The following LAMB1 variants were observed in gnomAD, a reference collection of about 807,000 sequenced individuals.
The protein encoded by LAMB1 is laminin subunit beta 1, also known as laminin subunit beta-1.
In LAMB1, 121 loss-of-function variants were observed where a neutral mutation model predicts 222.3. That is an observed-to-expected ratio of 0.54 (90% CI 0.47 to 0.63). LAMB1 has a LOEUF of 0.63. Among genes scored for constraint, LAMB1 ranks in the 30% least tolerant of loss-of-function variants. LAMB1 has a pLI of 0.00. For missense variants in LAMB1, 2,172 were observed against 2,240.8 expected (o/e 0.97, Z 0.62); for synonymous variants, 794 against 807.2 (o/e 0.98, Z 0.28).
intron 24 of LAMB1, among the ~76,000 whole-genome samples, chr7:107,941,168 C>T (rs1008024872): frequency 6.6e-6 from 1 of 152,216 alleles, no homozygotes; most frequent in Non-Finnish European, 1.5e-5. Flanking sequence ...AAATCACGTG[C>T]CGTACAGGAC....
At chr7:107,977,457 A>G (rs1309465021) in intron 9 of LAMB1, among the ~76,000 whole-genome samples, 2 of 152,134 alleles carry the variant, frequency 1.3e-5, no homozygotes, top group Non-Finnish European at 2.9e-5. Flanking sequence ...CTACCCTGCC[A>G]TATAGTTCTT....
intron 5 of LAMB1, among the ~76,000 whole-genome samples, chr7:107,993,575 TG>T (rs2034226775): frequency 6.6e-6 from 1 of 152,256 alleles, no homozygotes; most frequent in Admixed American, 6.5e-5. Flanking sequence ...TAAAGGATTT[TG>T]GATCTAGATG....
chr7:107,945,907 G>A (rs1385716602), intron 24 of LAMB1, among the ~76,000 whole-genome samples: 5 of 152,160 alleles, frequency 3.3e-5, no homozygotes, highest in Non-Finnish European at 7.4e-5. Flanking sequence ...CAACTGAAAA[G>A]TTTGTGCCAC....
intron 15 of LAMB1, among the ~76,000 whole-genome samples, 186 bp from the exon 16 acceptor site, chr7:107,961,862 G>T (rs1190995267): frequency 6.6e-6 from 1 of 152,150 alleles, no homozygotes; most frequent in Non-Finnish European, 1.5e-5. Context: ...CCTGGATGCT[G>T]AAACACCTCT....
At chr7:107,967,969 G>A (rs931703266) in intron 13 of LAMB1, among the ~76,000 whole-genome samples, 3 of 152,152 alleles carry the variant, frequency 2.0e-5, no homozygotes, top group Non-Finnish European at 4.4e-5. Context: ...AAAGCCTGGA[G>A]AGGACTTGAC....
intron 25 of LAMB1, among the ~76,000 whole-genome samples, chr7:107,938,784 G>C (rs1254037843): frequency 6.6e-6 from 1 of 152,196 alleles, no homozygotes; most frequent in East Asian, 1.9e-4. Flanking sequence ...CTCACTAAAT[G>C]CATTGTCACT....
Position 107,931,338 on chromosome 7 carries a change from A to G in LAMB1, c.4537+18T>C, listed in dbSNP as rs775208694. 3.3e-5 allele frequency: 53 copies of G among 1,606,210 alleles called. No homozygotes were observed. Among genetic ancestry groups the G allele is most frequent in the Admixed American group, 2.9e-4 (17 of 59,004 alleles). ...CACAGAAACAAATGTCTAAAAGTAA[A>G]ATGAAAAAATTTCTTACGGGTCAAA... On this transcript the variant is annotated intron_variant, in intron 29 of 33. Coordinates refer to ENST00000222399, the MANE Select transcript of LAMB1 (RefSeq NM_002291.3).
At chr7:107,954,933 T>G (rs1005225871) in intron 21 of LAMB1, among the ~76,000 whole-genome samples, 25 of 152,068 alleles carry the variant, frequency 1.6e-4, no homozygotes, top group African/African-American at 5.3e-4. Context: ...CTGAGTTACA[T>G]ATAAACATAA....
chr7:107,963,438 C>T (rs560220450), intron 14 of LAMB1, among the ~76,000 whole-genome samples: 2 of 152,296 alleles, frequency 1.3e-5, no homozygotes, highest in Admixed American at 6.5e-5. Flanking sequence ...AGTCCAGTAT[C>T]TAGTGGATTT....
At chr7:107,973,540 T>C (rs2033793850) in intron 12 of LAMB1, among the ~76,000 whole-genome samples, 1 of 152,052 alleles carries the variant, frequency 6.6e-6, no homozygotes, top group Non-Finnish European at 1.5e-5. Flanking sequence ...CACGAGGAAA[T>C]CAGATCTTTA....
At chr7:107,976,880 TTG>T (rs1563000058) in intron 9 of LAMB1, among the ~76,000 whole-genome samples, 1 of 72,970 alleles carries the variant, frequency 1.4e-5, no homozygotes, top group Non-Finnish European at 2.8e-5. Flanking sequence ...TCCTTTCCTC[TTG>T]CTCCTTCCTT....
intron 8 of LAMB1, 73 bp downstream of exon 8, chr7:107,980,536 G>A: frequency 7.9e-7 from 1 of 1,258,356 alleles, no homozygotes; most frequent in Non-Finnish European, 1.2e-6. Flanking sequence ...AAAGGCTTAA[G>A]GTAAGACTAG....
chr7:107,931,643 A>C, intron 28 of LAMB1, 143 bp from the exon 29 acceptor site: 1 of 752,278 alleles, frequency 1.3e-6, no homozygotes, highest in Non-Finnish European at 2.2e-6. Flanking sequence ...CCCATTCAAC[A>C]AAGTATTGTA....
intron 7 of LAMB1, among the ~76,000 whole-genome samples, chr7:107,981,774 T>C (rs2033978374): frequency 6.6e-6 from 1 of 152,238 alleles, no homozygotes; most frequent in Non-Finnish European, 1.5e-5. Flanking sequence ...CAGTTCTCAT[T>C]GTTATTATAA....
chr7:107,961,211 C>T lies in LAMB1; in HGVS notation c.2104G>A (p.Asp702Asn), dbSNP rs751579393. ...SDVESPYTLI[D>N]SLVLMPYCKS... is the part of the protein sequence containing the mutation. Reference sequence around the variant, plus strand: ...AGAAGCAATCTCGCACTTACAGAATCGATCAGCGTGTAGGGGCTCTCCACG... The same window carrying T: ...AGAAGCAATCTCGCACTTACAGAATTGATCAGCGTGTAGGGGCTCTCCACG... Residue 702 changes from aspartate (D) to asparagine (N), a missense_variant, in exon 17 of 34, where the codon GAT becomes AAT. Physicochemically the swap from Asp to Asn is conservative, Grantham distance 23 (BLOSUM62 1). Coordinates refer to ENST00000222399, the MANE Select transcript of LAMB1 (RefSeq NM_002291.3). 2.5e-6 allele frequency: 4 copies of T among 1,613,914 alleles called. No homozygotes were observed. Among genetic ancestry groups the T allele is most frequent in the Non-Finnish European group, 3.4e-6 (4 of 1,180,004 alleles).
At position 107,998,464 on chromosome 7, in the gene LAMB1, G is replaced by T; in HGVS notation, c.242C>A (p.Ser81Tyr). Residue 81 changes from serine (S) to tyrosine (Y), a missense_variant, in exon 4 of 34, where the codon TCC becomes TAC. Physicochemically the swap from Ser to Tyr is moderately radical, Grantham distance 144 (BLOSUM62 -2). Coordinates refer to ENST00000222399, the MANE Select transcript of LAMB1 (RefSeq NM_002291.3). ...CAGGGTCTCATGATAAGGATCTTGG[G>T]AATTGCATATGAAGCATTTTTTGTC... ...QEDKKCFICN[S>Y]QDPYHETLNP... 1 of 1,613,774 alleles carries T rather than the reference G, an allele frequency of 6.2e-7. No homozygotes were observed.
At chr7:107,998,956 G>C (rs1291476922) in intron 3 of LAMB1, among the ~76,000 whole-genome samples, 1 of 152,224 alleles carries the variant, frequency 6.6e-6, no homozygotes, top group Admixed American at 6.5e-5. Flanking sequence ...TTAGGCAGAA[G>C]TATTTAGAGA....
intron 5 of LAMB1, among the ~76,000 whole-genome samples, chr7:107,992,920 A>G (rs2034212590): frequency 6.6e-6 from 1 of 152,172 alleles, no homozygotes; most frequent in Non-Finnish European, 1.5e-5. Context: ...AGAGGGGAAC[A>G]GGAGAACATC....
chr7:107,987,879 G>T (rs182024784), intron 5 of LAMB1, among the ~76,000 whole-genome samples: 24 of 152,330 alleles, frequency 1.6e-4, no homozygotes, highest in Non-Finnish European at 3.4e-4. Context: ...GAAGAGGTTG[G>T]TCGGGGCAGG....
Sources: gnomAD v4.1 joint callset for allele counts (sites outside exome capture counted in the v4.1 genomes callset) on GRCh38, gnomAD v4.1.1 for gene constraint, MANE v1.5 for transcripts, NCBI Gene and HGNC (gene_info 2026-07-23, HGNC 2026-07-21) for gene names.